The following ABCA7 variants were observed in gnomAD, a reference collection of about 807,000 sequenced individuals.
ABCA7 encodes phospholipid-transporting ATPase ABCA7.
A neutral mutation model predicts 227.6 loss-of-function variants in ABCA7; 261 were observed. The ratio of observed to expected loss-of-function variants is 1.15; its 90% CI spans 1.04 to 1.27. ABCA7 has a LOEUF of 1.27. ABCA7 is among the 50% of genes most tolerant of loss of function. ABCA7 has a pLI of 0.00. For synonymous variants in ABCA7, 1,488 were observed against 1,279.7 expected, an observed-to-expected ratio of 1.16 and a Z score of -3.47; for missense variants, 3,331 against 2,924.5, an observed-to-expected ratio of 1.14 and a Z score of -3.21.
chr19:1,046,826 G>A lies in ABCA7; in HGVS notation c.1647G>A (p.Ser549=), dbSNP rs141323477. The A allele has an allele frequency of 6.2e-5, 95 of 1,539,142 alleles. No homozygotes were observed. The highest frequency in any genetic ancestry group is 5.4e-4 in the South Asian group (45 of 84,106). The change falls in exon 14 of 47, where the codon TCG becomes TCA. Residue 549 remains serine (S), a synonymous_variant. Coordinates refer to ENST00000263094, the MANE Select transcript of ABCA7 (RefSeq NM_019112.4). ...DDVFLRVLSR[S]LPLFLTLAWI... Reference sequence around the variant, plus strand: ...GGTTCCTGCGTGTGCTGAGCCGGTCGCTGCCGCTCTTCCTGACGCTGGCCT... The same window carrying A: ...GGTTCCTGCGTGTGCTGAGCCGGTCACTGCCGCTCTTCCTGACGCTGGCCT...
At chr19:1,060,958 C>T (rs1158557984) in intron 40 of ABCA7, among the ~76,000 whole-genome samples, 1 of 152,158 alleles carries the variant, frequency 6.6e-6, no homozygotes, top group African/African-American at 2.4e-5. Context: ...TTGAGCACTG[C>T]TGCACACGAC....
rs144852598 is a variant in ABCA7 at position 1,047,170 on chromosome 19, T to A, written c.1859T>A (p.Leu620His). The A allele has an allele frequency of 6.2e-7, 1 of 1,603,366 alleles. No homozygotes were observed. The highest frequency in any genetic ancestry group is 8.5e-7 in the Non-Finnish European group (1 of 1,177,050). The change falls in exon 15 of 47, where the codon CTC (leucine) becomes CAC (histidine). Residue 620 changes from leucine to histidine, a missense_variant. Physicochemically the swap from Leu to His is moderately conservative, Grantham distance 99. Coordinates refer to ENST00000263094, the MANE Select transcript of ABCA7 (RefSeq NM_019112.4). ...LVLVLKLGDI[L>H]PYSHPGVVFL... ...TGCCTCTCACAGCTGGGAGACATCC[T>A]CCCCTACAGCCACCCGGGCGTGGTC... is the stretch of plus-strand genomic sequence containing the variant.
Position 1,063,618 on chromosome 19 carries a change from G to A in ABCA7, c.5787G>A (p.Gly1929=), listed in dbSNP as rs2042833394. 1 of 1,611,430 alleles carries A rather than the reference G, an allele frequency of 6.2e-7. No individual in the cohort carries two copies. The highest frequency in any genetic ancestry group is 8.5e-7 in the Non-Finnish European group (1 of 1,179,906). Residue 1929 remains glycine, a synonymous_variant, in exon 43 of 47, where the codon GGG becomes GGA. Transcript: ENST00000263094. The stretch of plus-strand genomic sequence containing the variant: ...GGCCTGCAGGCACCTACAGCGGAGG[G>A]AACAAACGCAAGCTGGCGACGGCCC... ...ADRPAGTYSG[G]NKRKLATALA...
intron 40 of ABCA7, among the ~76,000 whole-genome samples, chr19:1,059,955 T>G (rs966664664): frequency 1.3e-5 from 2 of 152,230 alleles, no homozygotes; most frequent in Non-Finnish European, 2.9e-5. Flanking sequence ...AGAGGTGTAC[T>G]GAATACTTTT....
At position 1,051,042 on chromosome 19, in the gene ABCA7, C is replaced by T; in HGVS notation, c.2674C>T (p.Leu892=). The change falls in exon 19 of 47, where the codon CTG becomes TTG. Residue 892 remains leucine (L), a synonymous_variant. Transcript: ENST00000263094. ...HLGVCPQYNV[L]FDMLTVDEHV... ...GGGCGTCTGTCCTCAGTACAACGTG[C>T]TGTTTGACATGTGCGTCTCGGCAGG... 6.2e-7 allele frequency: 1 copy of T among 1,611,368 alleles called. No homozygotes were observed. The highest frequency in any genetic ancestry group is 8.5e-7 in the Non-Finnish European group (1 of 1,179,028).
intron 13 of ABCA7, among the ~76,000 whole-genome samples, 176 bp downstream of exon 13, chr19:1,046,582 G>T (rs539049233): frequency 9.8e-6 from 1 of 102,182 alleles, no homozygotes; most frequent in Non-Finnish European, 2.4e-5. Flanking sequence ...GGGTCTGGTG[G>T]GGGGGGGGAC....
Position 1,063,651 on chromosome 19 carries a change from G to C in ABCA7, c.5820G>C (p.Leu1940=). 1 of 1,609,430 alleles carries C rather than the reference G, an allele frequency of 6.2e-7. No individual in the cohort carries two copies. Among genetic ancestry groups the C allele is most frequent in the South Asian group, 1.1e-5 (1 of 90,776 alleles). Residue 1940 remains leucine (L), a synonymous_variant, in exon 43 of 47, where the codon CTG becomes CTC. Transcript: ENST00000263094. ...NKRKLATALA[L]VGDPAVVFLD... ...GCAAGCTGGCGACGGCCCTGGCGCTGGTTGGGGACCCAGCCGTGGTGTTTC... is the reference window on the plus strand; with the variant it reads ...GCAAGCTGGCGACGGCCCTGGCGCTCGTTGGGGACCCAGCCGTGGTGTTTC...
At chr19:1,057,142 G>A (rs1457218336) in intron 34 of ABCA7, 58 bp downstream of exon 34, 8 of 1,578,324 alleles carry the variant, frequency 5.1e-6, no homozygotes, top group South Asian at 1.1e-5. Context: ...TGCCCTGTCT[G>A]GCCCCTTGTA....
chr19:1,058,790 A>G, intron 38 of ABCA7, 30 bp from the exon 39 acceptor site: 3 of 1,597,252 alleles, frequency 1.9e-6, no homozygotes, highest in Non-Finnish European at 2.6e-6. Context: ...CCAAGGACCT[A>G]CTTTAAGCCC....
At position 1,050,928 on chromosome 19, in the gene ABCA7, T is replaced by A. The variant is rs199835332; in HGVS notation, c.2560T>A (p.Leu854Met). The A allele has an allele frequency of 1.2e-6, 2 of 1,605,864 alleles. No homozygotes were observed. The highest frequency in any genetic ancestry group is 1.7e-6 in the Non-Finnish European group (2 of 1,175,492). The change falls in exon 19 of 47, where the codon TTG (leucine) becomes ATG (methionine). Residue 854 changes from leucine to methionine, a missense_variant. Transcript: ENST00000263094. The part of the protein sequence containing the change: ...GAGKTTTLSI[L>M]SGLFPPSGGS... ...AGACCCCTCTATCCACAGGTCCATC[T>A]TGAGTGGCCTCTTCCCACCCAGTGG...
chr19:1,061,315 T>C (rs904789665), intron 40 of ABCA7, among the ~76,000 whole-genome samples: 1 of 146,740 alleles, frequency 6.8e-6, no homozygotes, highest in South Asian at 2.1e-4. Context: ...GAGAATTGCT[T>C]GAACCCAGGA....
chr19:1,052,302 G>T lies in ABCA7; in HGVS notation c.3220+16G>T. 6.5e-7 allele frequency: 1 copy of T among 1,534,084 alleles called. No homozygotes were observed. Among genetic ancestry groups the T allele is most frequent in the South Asian group, 1.2e-5 (1 of 83,134 alleles). ...AGCAGAGTCGGTGAGGGCCGGGGTG[G>T]GAGACCCAAGGCGGGTGGGCAGTGG... On this transcript the variant is annotated intron_variant, in intron 23 of 46. Coordinates refer to ENST00000263094, the MANE Select transcript of ABCA7 (RefSeq NM_019112.4).
intron 40 of ABCA7, among the ~76,000 whole-genome samples, chr19:1,060,681 G>A (rs1169479843): frequency 4.0e-5 from 6 of 151,898 alleles, no homozygotes; most frequent in East Asian, 3.9e-4. Flanking sequence ...CACCACAACC[G>A]GCTAATTTTT....
chr19:1,053,884 A>T, intron 25 of ABCA7, 48 bp downstream of exon 25: 1 of 1,596,520 alleles, frequency 6.3e-7, no homozygotes, highest in South Asian at 1.1e-5. Context: ...GAGTGGGACC[A>T]GAGGCCAGGT....
rs1568299015 is a variant in ABCA7 at position 1,049,154 on chromosome 19, C to CT, written c.2381-108dup. On this transcript the variant is annotated intron_variant, in intron 17 of 46. Transcript: ENST00000263094. Reference sequence around the variant, plus strand: ...CACTGCGGTCCCCAAGCTCCCGCAGCTTTTATAGGCCCCGGCCCAGCAGGT... The same window carrying CT: ...CACTGCGGTCCCCAAGCTCCCGCAGCTTTTTATAGGCCCCGGCCCAGCAGGT... 5.3e-6 allele frequency: 7 copies of CT among 1,324,126 alleles called. No individual in the cohort carries two copies. In the East Asian group the frequency reaches 1.6e-4, roughly 31 times the overall value. The allele number at this position is 1,324,126 out of a possible 1,614,324, so 82.0% of individuals were successfully genotyped here.
At chr19:1,053,158 G>T (rs2041926478) in intron 23 of ABCA7, among the ~76,000 whole-genome samples, 171 bp from the exon 24 acceptor site, 1 of 152,242 alleles carries the variant, frequency 6.6e-6, no homozygotes, top group South Asian at 2.1e-4. Context: ...CCCTCAAAGT[G>T]CTGGGATTAC....
At chr19:1,064,004 A>C (rs1428318049) in intron 44 of ABCA7, 141 bp downstream of exon 44, 6 of 1,338,660 alleles carry the variant, frequency 4.5e-6, no homozygotes, top group Non-Finnish European at 6.0e-6. Context: ...GTAAGGACAC[A>C]CAGAGGTGGG....
At chr19:1,060,542 C>G (rs1383298888) in intron 40 of ABCA7, among the ~76,000 whole-genome samples, 1 of 140,530 alleles carries the variant, frequency 7.1e-6, no homozygotes, top group Non-Finnish European at 1.5e-5. Context: ...TTTTTTGAGA[C>G]AAAGTCTCGC....
At position 1,056,882 on chromosome 19, in the gene ABCA7, A is replaced by G; in HGVS notation, c.4587-25A>G. On this transcript the variant is annotated intron_variant, in intron 33 of 46. Transcript: ENST00000263094. This position sits in a 1 kb window ranked among gnomAD's most constrained non-coding sequence, Gnocchi z 4.3. Reference sequence around the variant, plus strand: ...GCAACCCATGCACCCTCACCCTACAACAGCTCTCATGTCTTCACCTCCAGG... The same window carrying G: ...GCAACCCATGCACCCTCACCCTACAGCAGCTCTCATGTCTTCACCTCCAGG... 6.2e-6 allele frequency: 10 copies of G among 1,605,864 alleles called. No homozygotes were observed. Among genetic ancestry groups the G allele is most frequent in the Non-Finnish European group, 8.5e-6 (10 of 1,174,918 alleles).
Sources: allele counts gnomAD v4.1 joint callset (sites outside exome capture counted in the v4.1 genomes callset), GRCh38; gene constraint gnomAD v4.1.1; non-coding constraint Gnocchi (gnomAD v3.1); transcripts MANE v1.5; gene names NCBI Gene and HGNC (gene_info 2026-07-23, HGNC 2026-07-21).